Variants in ZNF705G observed in about 807,000 individuals in gnomAD.
ZNF705G encodes the protein putative zinc finger protein 705G.
A neutral mutation model predicts 19.6 loss-of-function variants in ZNF705G; 23 were observed. That is an observed-to-expected ratio of 1.17 (90% CI 0.84 to 1.66). ZNF705G has a LOEUF of 1.66. ZNF705G is among the 40% of genes most tolerant of loss of function. The probability of loss-of-function intolerance (pLI) is 0.00; values close to 1 mark genes in which losing one functional copy is unlikely to be tolerated. For synonymous variants in ZNF705G, 146 were observed against 117.7 expected (o/e 1.24, Z -1.56); for missense variants, 457 against 354.4 (o/e 1.29, Z -2.32).
rs2128845337 is a variant in ZNF705G, at chr8:7,376,556, A to G, written c.-72+4896T>C. Among the ~76,000 whole-genome samples the G allele has an allele frequency of 1.7e-5, 2 of 118,998 alleles. 1 individual carries two copies. Among genetic ancestry groups the G allele is most frequent in the Admixed American group, 1.9e-4 (2 of 10,796 alleles). The allele number at this position is 118,998 out of a possible 152,430, so 78.1% of individuals were successfully genotyped here. ...CCAGAGCGGTGATATCTTAGGACATAAATGAAATACTATTCAATGTTTTCA... is the reference window on the plus strand; with the variant it reads ...CCAGAGCGGTGATATCTTAGGACATGAATGAAATACTATTCAATGTTTTCA... On this transcript the variant is annotated intron_variant, in intron 2 of 6. Transcript: ENST00000400156.
chr8:7,376,507 T>A lies in ZNF705G; in HGVS notation c.-72+4945A>T, dbSNP rs1457498236. On this transcript the variant is annotated intron_variant, in intron 2 of 6. Coordinates refer to ENST00000400156, the MANE Select transcript of ZNF705G (RefSeq NM_001164457.3). ...GAATTAAAACACTTTTCAAACTCAG[T>A]ACCTCAGAGTGTGTGGCCTATCCCC... Among the ~76,000 whole-genome samples, 18 of 117,572 alleles carry A rather than the reference T, an allele frequency of 1.5e-4. 1 individual carries two copies. The highest frequency in any genetic ancestry group is 2.9e-4 in the Non-Finnish European group (17 of 58,086). 77.1% of individuals were successfully genotyped at this position (117,572 alleles called of 152,430 possible).
chr8:7,367,609 AG>A (rs1259883541), intron 2 of ZNF705G, among the ~76,000 whole-genome samples: 1 of 149,664 alleles, frequency 6.7e-6, no homozygotes, highest in Admixed American at 6.6e-5. Flanking sequence ...CACGGGAAAG[AG>A]GAAAACCCAA....
In ZNF705G at chr8:7,366,115, T is replaced by C. The variant is rs374314190; in HGVS notation, c.-71-3098A>G. ...AAAGAGAATAGATTTTTTTAAAGTATGAAACCAAAACGAATATATATCAGA... is the reference window on the plus strand; with the variant it reads ...AAAGAGAATAGATTTTTTTAAAGTACGAAACCAAAACGAATATATATCAGA... On this transcript the variant is annotated intron_variant, in intron 2 of 6. Coordinates refer to ENST00000400156, the MANE Select transcript of ZNF705G (RefSeq NM_001164457.3). Among the ~76,000 whole-genome samples, 7 of 148,962 alleles carry C rather than the reference T, an allele frequency of 4.7e-5. No homozygotes were observed. In the East Asian group the frequency reaches 9.6e-4, roughly 21 times the overall value.
At chr8:7,365,211 G>A (rs1454231548) in intron 2 of ZNF705G, among the ~76,000 whole-genome samples, 1 of 149,346 alleles carries the variant, frequency 6.7e-6, no homozygotes, top group Non-Finnish European at 1.5e-5. Flanking sequence ...CAATCTTTAG[G>A]AGAAACTTAA....
At chr8:7,360,856 G>A (rs1412849917) in intron 4 of ZNF705G, among the ~76,000 whole-genome samples, 2 of 149,530 alleles carry the variant, frequency 1.3e-5, no homozygotes, top group Admixed American at 6.6e-5. Context: ...ATGAGTATTA[G>A]AGACTGAGTA....
At chr8:7,364,221 T>G (rs1329882816) in intron 2 of ZNF705G, among the ~76,000 whole-genome samples, 1 of 149,652 alleles carries the variant, frequency 6.7e-6, no homozygotes. Context: ...TTTATATGAA[T>G]GTATGTGTTT....
In ZNF705G at chr8:7,363,568, C is replaced by G. The variant is rs1158192403; in HGVS notation, c.-71-551G>C. Among the ~76,000 whole-genome samples the G allele has an allele frequency of 3.3e-5, 5 of 149,702 alleles. 1 individual carries two copies. The highest frequency in any genetic ancestry group is 4.4e-5 in the Non-Finnish European group (3 of 68,026). On this transcript the variant is annotated intron_variant, in intron 2 of 6. Coordinates refer to ENST00000400156, the MANE Select transcript of ZNF705G (RefSeq NM_001164457.3). ...GAGTGTGGTGGCTCACGCCTGTAAT[C>G]CCAGCACTTTGGGAGGCCAAGGCAC...
At chr8:7,361,334 A>C in intron 3 of ZNF705G, 98 bp from the exon 4 acceptor site, 1 of 1,584,482 alleles carries the variant, frequency 6.3e-7, no homozygotes, top group Non-Finnish European at 8.5e-7. Context: ...GGGTATGCAG[A>C]ATACTCAGTG....
intron 6 of ZNF705G, among the ~76,000 whole-genome samples, chr8:7,358,864 G>A (rs1806428225): frequency 6.7e-6 from 1 of 149,398 alleles, no homozygotes; most frequent in Non-Finnish European, 1.5e-5. Flanking sequence ...TTCCTCATGA[G>A]CTGTTAAAAT....
chr8:7,357,749 C>T lies in ZNF705G; in HGVS notation c.*227G>A, dbSNP rs191668535. 8,759 of 779,038 alleles carry T rather than the reference C, an allele frequency of 0.011. 879 individuals are homozygous for T. The African/African-American group carries it at 0.11, about 10-fold the overall frequency. 48.3% of individuals were successfully genotyped at this position (779,038 alleles called of 1,614,324 possible). A position where few individuals can be genotyped will look rare whatever the true frequency, so the allele number is the denominator to read the frequency against. ...ACAGTATTTCTTCAAAATGTGAGTC[C>T]TTTGGCATGTTTAGATGCTACAACT... On this transcript the variant is annotated 3_prime_UTR_variant, in exon 7 of 7. Transcript: ENST00000400156.
chr8:7,381,039 A>C (rs1365720091), intron 2 of ZNF705G, among the ~76,000 whole-genome samples: 6 of 137,052 alleles, frequency 4.4e-5, no homozygotes, highest in South Asian at 4.5e-4. Context: ...AAAAAAAAAA[A>C]AAAAAAAAAA....
chr8:7,360,730 A>G (rs1453946433), intron 4 of ZNF705G, among the ~76,000 whole-genome samples: 1 of 149,608 alleles, frequency 6.7e-6, no homozygotes, highest in Non-Finnish European at 1.5e-5. Context: ...TGGAAAAGAT[A>G]TTGCTATTGT....
chr8:7,379,013 C>G (rs1369654590), intron 2 of ZNF705G, among the ~76,000 whole-genome samples: 7 of 150,278 alleles, frequency 4.7e-5, no homozygotes, highest in African/African-American at 1.3e-4. Flanking sequence ...TTAGACACAA[C>G]TTTAGTGGCT....
Position 7,385,483 on chromosome 8 carries a change from C to T in ZNF705G, c.-222+15G>A, listed in dbSNP as rs1393292381. 6.7e-6 allele frequency: 1 copy of T among 149,538 alleles called. No individual in the cohort carries two copies. Among genetic ancestry groups the T allele is most frequent in the Non-Finnish European group, 1.5e-5 (1 of 68,208 alleles). The allele number at this position is 149,538 out of a possible 1,614,324, so 9.3% of individuals were successfully genotyped here. On this transcript the variant is annotated intron_variant, in intron 1 of 6. Transcript: ENST00000400156. ...ACCCCTTATTTAAAACCAGTTGGCC[C>T]TACTGGAAACCCACCTTGCAGTTGG...
intron 2 of ZNF705G, among the ~76,000 whole-genome samples, chr8:7,367,204 C>T (rs1806896616): frequency 1.3e-5 from 2 of 149,512 alleles, no homozygotes; most frequent in Non-Finnish European, 2.9e-5. Flanking sequence ...ATATACAAGG[C>T]TTGTCTTGTT....
chr8:7,361,383 G>T, intron 3 of ZNF705G, 147 bp from the exon 4 acceptor site: 1 of 1,381,742 alleles, frequency 7.2e-7, no homozygotes. Flanking sequence ...TACTAAGCTG[G>T]TATCTGCCTT....
intron 2 of ZNF705G, among the ~76,000 whole-genome samples, chr8:7,363,491 G>GT (rs1806700230): frequency 6.7e-6 from 1 of 149,200 alleles, no homozygotes; most frequent in African/African-American, 2.6e-5. Context: ...TCTGACTTTT[G>GT]TATTTCCCCT....
intron 2 of ZNF705G, among the ~76,000 whole-genome samples, chr8:7,363,413 C>T (rs1473411153): frequency 6.7e-6 from 1 of 148,680 alleles, no homozygotes; most frequent in Admixed American, 6.6e-5. Flanking sequence ...GCTTTATGCC[C>T]TAGCAACGTT....
chr8:7,363,926 A>C (rs1344193751), intron 2 of ZNF705G, among the ~76,000 whole-genome samples: 1 of 149,636 alleles, frequency 6.7e-6, no homozygotes, highest in Non-Finnish European at 1.5e-5. Flanking sequence ...AATCTCCTGC[A>C]TCAGAAATTA....
Sources: allele counts gnomAD v4.1 joint callset (sites outside exome capture counted in the v4.1 genomes callset), GRCh38; gene constraint gnomAD v4.1.1; transcripts MANE v1.5; gene names NCBI Gene and HGNC (gene_info 2026-07-23, HGNC 2026-07-21).